SLC35D4: variants seen among roughly 807,000 people sequenced by gnomAD.
SLC35D4 encodes the protein solute carrier family 35 member D4.
the SLC35D4 span, among the ~76,000 whole-genome samples, chr18:23,432,136 A>G: frequency 6.6e-6 from 1 of 152,236 alleles, no homozygotes; most frequent in Non-Finnish European, 1.5e-5. Context: ...AGAAAAGGAA[A>G]GGATTAACTG....
chr18:23,242,272 CTG>C, the SLC35D4 span, among the ~76,000 whole-genome samples: 1 of 152,084 alleles, frequency 6.6e-6, no homozygotes, highest in East Asian at 1.9e-4. Flanking sequence ...GAATGAAACT[CTG>C]TCTCAAAAAA....
At chr18:23,310,713 C>T in the SLC35D4 span, among the ~76,000 whole-genome samples, 1 of 151,966 alleles carries the variant, frequency 6.6e-6, no homozygotes, top group East Asian at 1.9e-4. Flanking sequence ...AGCAGACAGA[C>T]AAGCAGAAGG....
chr18:23,327,656 T>C, the SLC35D4 span, among the ~76,000 whole-genome samples: 2 of 152,240 alleles, frequency 1.3e-5, no homozygotes, highest in Admixed American at 6.5e-5. Context: ...TCTGAAACTA[T>C]TCCAATCAAT....
At chr18:23,344,727 G>A in the SLC35D4 span, among the ~76,000 whole-genome samples, 3 of 151,076 alleles carry the variant, frequency 2.0e-5, no homozygotes, top group Non-Finnish European at 4.4e-5. Context: ...TCAGGCTCCC[G>A]AATAGCTGGG....
chr18:23,397,838 C>A, the SLC35D4 span, among the ~76,000 whole-genome samples: 1 of 152,120 alleles, frequency 6.6e-6, no homozygotes, highest in African/African-American at 2.4e-5. Flanking sequence ...GGATTGCTTG[C>A]GCCCAGGAGG....
the SLC35D4 span, among the ~76,000 whole-genome samples, chr18:23,383,103 T>C: frequency 2.6e-5 from 4 of 151,980 alleles, no homozygotes; most frequent in African/African-American, 7.3e-5. Context: ...ATCAGTTCCA[T>C]TTCAGATGTC....
the SLC35D4 span, among the ~76,000 whole-genome samples, chr18:23,294,922 G>C: frequency 6.6e-6 from 1 of 152,108 alleles, no homozygotes; most frequent in Non-Finnish European, 1.5e-5. Context: ...GCTGGAAAGA[G>C]GACTGGGTTT....
chr18:23,405,448 C>T, the SLC35D4 span, among the ~76,000 whole-genome samples: 36,537 of 152,098 alleles, frequency 0.24, 6,417 homozygotes, highest in African/African-American at 0.46. Flanking sequence ...CCTTGGCCTC[C>T]CAAAGTGCTG....
At chr18:23,291,773 G>A in the SLC35D4 span, among the ~76,000 whole-genome samples, 3 of 152,186 alleles carry the variant, frequency 2.0e-5, no homozygotes, top group Non-Finnish European at 4.4e-5. Flanking sequence ...CAGGTAAGTC[G>A]CAGAGCCAGC....
the SLC35D4 span, among the ~76,000 whole-genome samples, chr18:23,428,795 C>T: frequency 6.6e-6 from 1 of 152,092 alleles, no homozygotes; most frequent in South Asian, 2.1e-4. Flanking sequence ...AAACAGTGAG[C>T]ACAGTACCTA....
At chr18:23,269,657 C>T in the SLC35D4 span, among the ~76,000 whole-genome samples, 2 of 152,116 alleles carry the variant, frequency 1.3e-5, no homozygotes, top group East Asian at 1.9e-4. Context: ...TTCCTAGAGA[C>T]GTGTTGAATG....
the SLC35D4 span, among the ~76,000 whole-genome samples, chr18:23,412,763 T>C: frequency 6.6e-6 from 1 of 152,232 alleles, no homozygotes; most frequent in African/African-American, 2.4e-5. Flanking sequence ...TAGCATTTTA[T>C]CGGCACACTG....
the SLC35D4 span, chr18:23,370,097 T>A: frequency 5.1e-6 from 4 of 783,558 alleles, no homozygotes; most frequent in South Asian, 5.6e-5. Flanking sequence ...GCGAATCGCT[T>A]GAACCCGGGG....
the SLC35D4 span, among the ~76,000 whole-genome samples, chr18:23,325,042 C>T: frequency 3.3e-5 from 5 of 152,058 alleles, no homozygotes; most frequent in Non-Finnish European, 7.4e-5. Flanking sequence ...GCCAAGAGAG[C>T]GTCTCCGAGC....
At chr18:23,393,250 A>G in the SLC35D4 span, among the ~76,000 whole-genome samples, 1 of 151,886 alleles carries the variant, frequency 6.6e-6, no homozygotes, top group South Asian at 2.1e-4. Context: ...TAAAATATAC[A>G]TCACAAAAAG....
At chr18:23,415,529 G>A in the SLC35D4 span, among the ~76,000 whole-genome samples, 1 of 152,234 alleles carries the variant, frequency 6.6e-6, no homozygotes, top group Non-Finnish European at 1.5e-5. Context: ...CCTGCCTTCT[G>A]CAATGGTTCC....
At chr18:23,384,192 G>A in the SLC35D4 span, among the ~76,000 whole-genome samples, 4 of 152,104 alleles carry the variant, frequency 2.6e-5, no homozygotes, top group Admixed American at 1.3e-4. Flanking sequence ...TCAGGAGGCT[G>A]GGCCAGAAAG....
At chr18:23,400,124 C>T in the SLC35D4 span, among the ~76,000 whole-genome samples, 2 of 152,146 alleles carry the variant, frequency 1.3e-5, no homozygotes, top group South Asian at 2.1e-4. Flanking sequence ...AGTTGGGTGG[C>T]CATAGGCTGG....
chr18:23,238,775 TAGAC>T, the SLC35D4 span, among the ~76,000 whole-genome samples: 2 of 152,322 alleles, frequency 1.3e-5, no homozygotes, highest in South Asian at 2.1e-4. Context: ...TCCTAGTTGA[TAGAC>T]AGGAAATGGG....
Sources: allele counts gnomAD v4.1 joint callset (sites outside exome capture counted in the v4.1 genomes callset), GRCh38; gene constraint gnomAD v4.1.1; transcripts MANE v1.5; gene names NCBI Gene and HGNC (gene_info 2026-07-23, HGNC 2026-07-21).